Variants in CACNA2D3 observed in about 807,000 individuals in gnomAD.
The protein encoded by CACNA2D3 is voltage-dependent calcium channel subunit alpha-2/delta-3.
Under a neutral mutation model 160.6 loss-of-function variants are expected in CACNA2D3, and 60 were observed. The observed-to-expected ratio is 0.37, with a 90% CI of 0.30 to 0.46. The LOEUF is 0.46. Among genes scored for constraint, CACNA2D3 ranks in the 20% least tolerant of loss-of-function variants. CACNA2D3 has a pLI of 1.00. For missense variants in CACNA2D3, 1,205 were observed against 1,365.0 expected (o/e 0.88, Z 1.85); for synonymous variants, 558 against 492.9 (o/e 1.13, Z -1.75).
intron 3 of CACNA2D3, among the ~76,000 whole-genome samples, chr3:54,342,294 T>C (rs1698372138): frequency 6.6e-6 from 1 of 152,196 alleles, no homozygotes; most frequent in Non-Finnish European, 1.5e-5. Flanking sequence ...GATTTAAAGA[T>C]GAGTAAGGCA....
chr3:54,160,825 G>A (rs1287692220), intron 2 of CACNA2D3, among the ~76,000 whole-genome samples: 1 of 152,172 alleles, frequency 6.6e-6, no homozygotes, highest in African/African-American at 2.4e-5. Flanking sequence ...CATTTTCTGT[G>A]TATTTTATGA....
chr3:54,300,143 A>G (rs957698342), intron 2 of CACNA2D3, among the ~76,000 whole-genome samples: 3 of 152,218 alleles, frequency 2.0e-5, no homozygotes, highest in Non-Finnish European at 2.9e-5. Flanking sequence ...TTTAATAAGG[A>G]CTTCTATTAG....
chr3:54,366,390 T>A (rs1436010563), intron 3 of CACNA2D3, among the ~76,000 whole-genome samples: 1 of 152,230 alleles, frequency 6.6e-6, no homozygotes, highest in South Asian at 2.1e-4. Context: ...GAAAACTTCT[T>A]GAAATGAAAG....
intron 5 of CACNA2D3, among the ~76,000 whole-genome samples, chr3:54,521,452 C>G (rs1161596649): frequency 6.6e-6 from 1 of 150,744 alleles, no homozygotes; most frequent in Non-Finnish European, 1.5e-5. Flanking sequence ...AGTCCCTTAT[C>G]AAGAGATATG....
chr3:54,880,673 G>A (rs1476590766), intron 20 of CACNA2D3, 123 bp from the exon 21 acceptor site: 2 of 880,424 alleles, frequency 2.3e-6, no homozygotes, highest in African/African-American at 3.3e-5. Context: ...GTAAACAGTT[G>A]GAAAAATTGT....
At chr3:54,266,710 A>T (rs190487427) in intron 2 of CACNA2D3, among the ~76,000 whole-genome samples, 39 of 152,276 alleles carry the variant, frequency 2.6e-4, no homozygotes, top group African/African-American at 8.4e-4. Context: ...TCAGCAGGTG[A>T]TGTATGCCCT....
At chr3:54,140,058 A>G (rs1012329568) in intron 2 of CACNA2D3, among the ~76,000 whole-genome samples, 1 of 152,208 alleles carries the variant, frequency 6.6e-6, no homozygotes, top group Non-Finnish European at 1.5e-5. Context: ...TCCCTATTTC[A>G]TTGGACTGTC....
chr3:54,892,794 A>T (rs143125280), intron 25 of CACNA2D3, among the ~76,000 whole-genome samples: 159 of 152,344 alleles, frequency 1.0e-3, no homozygotes, highest in Non-Finnish European at 1.9e-3. Flanking sequence ...CAAAGCTGCA[A>T]AACAGTAACA....
intron 5 of CACNA2D3, among the ~76,000 whole-genome samples, chr3:54,533,332 CTTTTTTTT>C (rs60076440): frequency 1.0e-5 from 1 of 97,304 alleles, no homozygotes; most frequent in African/African-American, 4.1e-5. Flanking sequence ...CTTTTCTTTC[CTTTTTTTT>C]TTTTTTTTTT....
At position 54,639,940 on chromosome 3, in the gene CACNA2D3, G is replaced by T. The variant is rs138634754; in HGVS notation, c.1054-2188G>T. The stretch of plus-strand genomic sequence containing the variant: ...AGTCAAAGGGGGTTTGTTCTCTGGC[G>T]GGTAGGAGCGGGGGGTCGCAAGGTG... On this transcript the variant is annotated intron_variant, in intron 10 of 37. Coordinates refer to ENST00000474759, the MANE Select transcript of CACNA2D3 (RefSeq NM_018398.3). The T allele has an allele frequency of 1.0e-3, 155 of 153,290 alleles. 2 individuals are homozygous for T. The East Asian group carries it at 0.026, about 26-fold the overall frequency. 9.5% of individuals were successfully genotyped at this position (153,290 alleles called of 1,614,324 possible).
intron 4 of CACNA2D3, among the ~76,000 whole-genome samples, chr3:54,402,641 T>C (rs1371758564): frequency 6.6e-6 from 1 of 151,982 alleles, no homozygotes; most frequent in East Asian, 1.9e-4. Flanking sequence ...CAAATATTAA[T>C]TGACATTAAG....
intron 11 of CACNA2D3, among the ~76,000 whole-genome samples, chr3:54,672,230 G>GGT (rs1256705299): frequency 6.6e-6 from 1 of 152,130 alleles, no homozygotes; most frequent in Non-Finnish European, 1.5e-5. Context: ...TGGACCAAGC[G>GGT]GTGCTTTTAT....
rs1438937568 is a variant in CACNA2D3 at position 54,597,668 on chromosome 3, T to TG, written c.963+15795dup. On this transcript the variant is annotated intron_variant, in intron 9 of 37. Transcript: ENST00000474759. ...GAGTAGGAGCTGATCGTGTGGTATT[T>TG]GGGGAGAAGGTGAAAAATAAAACCA... Among the ~76,000 whole-genome samples, 14 of 152,226 alleles carry TG rather than the reference T, an allele frequency of 9.2e-5. No individual in the cohort carries two copies. In the South Asian group the frequency reaches 2.7e-3, roughly 29 times the overall value.
At chr3:54,302,881 G>T (rs938866203) in intron 2 of CACNA2D3, among the ~76,000 whole-genome samples, 3 of 151,868 alleles carry the variant, frequency 2.0e-5, no homozygotes, top group Non-Finnish European at 4.4e-5. Flanking sequence ...TCTGCCTCTT[G>T]CCCTCTGTTA....
intron 27 of CACNA2D3, among the ~76,000 whole-genome samples, chr3:54,950,783 G>A (rs755990404): frequency 6.6e-6 from 1 of 152,128 alleles, no homozygotes; most frequent in Non-Finnish European, 1.5e-5. Flanking sequence ...CTTGATCGGG[G>A]CCAAAATAAA....
chr3:55,061,499 C>G (rs1704503702), intron 35 of CACNA2D3, among the ~76,000 whole-genome samples: 1 of 152,122 alleles, frequency 6.6e-6, no homozygotes, highest in Admixed American at 6.5e-5. Context: ...CTTTTGTTTA[C>G]AAATGACAGA....
At chr3:55,037,962 G>A (rs987053034) in intron 35 of CACNA2D3, among the ~76,000 whole-genome samples, 1 of 152,236 alleles carries the variant, frequency 6.6e-6, no homozygotes. Context: ...ATAAACTGGG[G>A]TCTTGTCCTT....
chr3:54,924,575 G>T, intron 27 of CACNA2D3: 1 of 1,446,946 alleles, frequency 6.9e-7, no homozygotes, highest in Non-Finnish European at 9.6e-7. Flanking sequence ...TTCATCCTAG[G>T]CTGGTAACAC....
intron 11 of CACNA2D3, among the ~76,000 whole-genome samples, chr3:54,701,477 TG>T (rs1276454036): frequency 1.3e-5 from 2 of 152,158 alleles, no homozygotes; most frequent in African/African-American, 4.8e-5. Context: ...GTGTTATAAA[TG>T]TTTTTTTCCC....
Sources: allele counts gnomAD v4.1 joint callset (sites outside exome capture counted in the v4.1 genomes callset), GRCh38; gene constraint gnomAD v4.1.1; transcripts MANE v1.5; gene names NCBI Gene and HGNC (gene_info 2026-07-23, HGNC 2026-07-21).